The following PDE1C variants were observed in gnomAD, a reference collection of about 807,000 sequenced individuals.
The protein encoded by PDE1C is dual specificity calcium/calmodulin-dependent 3',5'-cyclic nucleotide phosphodiesterase 1C.
In PDE1C, 62 loss-of-function variants were observed where a neutral mutation model predicts 93.1. That is an observed-to-expected ratio of 0.67 (90% CI 0.54 to 0.82). The LOEUF (loss-of-function observed/expected upper bound fraction) is 0.82. Ranked by LOEUF, PDE1C falls within the 40% of genes least tolerant of loss-of-function variation. The probability of loss-of-function intolerance (pLI) is 0.00; values close to 1 mark genes in which losing one functional copy is unlikely to be tolerated. For missense variants in PDE1C, 742 were observed against 884.6 expected (o/e 0.84, Z 2.04); for synonymous variants, 325 against 310.1 (o/e 1.05, Z -0.50).
intron 2 of PDE1C, among the ~76,000 whole-genome samples, chr7:32,208,936 A>G (rs992098792): frequency 6.6e-6 from 1 of 152,198 alleles, no homozygotes; most frequent in Non-Finnish European, 1.5e-5. Flanking sequence ...TCTAAGCTTC[A>G]AAGTGTCACC....
intron 2 of PDE1C, among the ~76,000 whole-genome samples, chr7:31,899,272 G>A (rs990512370): frequency 6.6e-6 from 1 of 151,786 alleles, no homozygotes; most frequent in Non-Finnish European, 1.5e-5. Context: ...CCGAGTAGCT[G>A]GGACTACAGG....
intron 17 of PDE1C, among the ~76,000 whole-genome samples, chr7:31,768,880 C>T (rs1402137350): frequency 6.6e-6 from 1 of 152,122 alleles, no homozygotes; most frequent in East Asian, 1.9e-4. Context: ...ACTCCAACCT[C>T]CGCCTCCCAG....
chr7:31,738,711 A>C, the PDE1C span, among the ~76,000 whole-genome samples: 2 of 152,184 alleles, frequency 1.3e-5, no homozygotes, highest in Admixed American at 1.3e-4. Context: ...GATGGTGGCC[A>C]GCTGGTGAGG....
intron 17 of PDE1C, among the ~76,000 whole-genome samples, chr7:31,764,238 A>G (rs1036127643): frequency 6.6e-6 from 1 of 152,228 alleles, no homozygotes; most frequent in Middle Eastern, 3.4e-3. Flanking sequence ...GCAACCTCTC[A>G]GGTTTAAGTG....
chr7:31,851,326 G>C (rs1313444579), intron 7 of PDE1C, among the ~76,000 whole-genome samples: 1 of 152,196 alleles, frequency 6.6e-6, no homozygotes, highest in African/African-American at 2.4e-5. Context: ...TGGACATGCA[G>C]ATGGTGTCAG....
At chr7:32,181,310 T>C (rs934095296) in intron 2 of PDE1C, among the ~76,000 whole-genome samples, 2 of 152,198 alleles carry the variant, frequency 1.3e-5, no homozygotes, top group South Asian at 4.1e-4. Flanking sequence ...AATAGACATC[T>C]ACAGAACTCT....
chr7:32,292,183 AT>A (rs1283062012), intron 1 of PDE1C, among the ~76,000 whole-genome samples: 6 of 152,150 alleles, frequency 3.9e-5, no homozygotes, highest in Admixed American at 6.5e-5. Context: ...CCATAAAAAA[AT>A]AATTTTTAAA....
chr7:32,069,608 C>T (rs149535202), intron 1 of PDE1C, among the ~76,000 whole-genome samples: 392 of 152,130 alleles, frequency 2.6e-3, no homozygotes, highest in Middle Eastern at 0.01. Flanking sequence ...CTCCTCAGTA[C>T]CCAAAAACAG....
At chr7:32,094,985 G>C (rs900452659) in intron 3 of PDE1C, among the ~76,000 whole-genome samples, 2 of 152,068 alleles carry the variant, frequency 1.3e-5, no homozygotes, top group African/African-American at 4.8e-5. Flanking sequence ...ACTCCTCCTT[G>C]TGCCCTCTCC....
At chr7:32,062,376 T>C (rs1794914769) in intron 1 of PDE1C, among the ~76,000 whole-genome samples, 1 of 152,194 alleles carries the variant, frequency 6.6e-6, no homozygotes, top group Non-Finnish European at 1.5e-5. Context: ...TCCAGCTGTG[T>C]CTGGAGCCTT....
chr7:31,678,017 GC>G, the PDE1C span, among the ~76,000 whole-genome samples: 2 of 151,856 alleles, frequency 1.3e-5, no homozygotes, highest in Non-Finnish European at 2.9e-5. Flanking sequence ...ACAATAAAAG[GC>G]CCCACCTATA....
At chr7:31,889,239 A>G (rs1190989868) in intron 2 of PDE1C, among the ~76,000 whole-genome samples, 1 of 152,270 alleles carries the variant, frequency 6.6e-6, no homozygotes, top group Non-Finnish European at 1.5e-5. Context: ...AAGACTTATT[A>G]TAAAGCATTT....
intron 3 of PDE1C, among the ~76,000 whole-genome samples, chr7:32,166,479 C>T (rs1234033233): frequency 6.6e-6 from 1 of 152,168 alleles, no homozygotes; most frequent in African/African-American, 2.4e-5. Context: ...CTCTGCTAAA[C>T]TGTCTGCTCC....
the PDE1C span, among the ~76,000 whole-genome samples, chr7:31,636,725 TAAA>T: frequency 9.0e-6 from 1 of 111,504 alleles, no homozygotes; most frequent in Admixed American, 9.1e-5. Flanking sequence ...CTTTTTTTTT[TAAA>T]AATTTTATTA....
chr7:32,184,899 G>A (rs561206814), intron 2 of PDE1C, among the ~76,000 whole-genome samples: 5 of 152,082 alleles, frequency 3.3e-5, no homozygotes, highest in Non-Finnish European at 5.9e-5. Flanking sequence ...ATCACCTGAG[G>A]TCAGGAGTTC....
At chr7:31,745,752 T>C in the PDE1C span, among the ~76,000 whole-genome samples, 1 of 152,224 alleles carries the variant, frequency 6.6e-6, no homozygotes, top group South Asian at 2.1e-4. Context: ...AAAATAGTAA[T>C]AAGTAATAGA....
intron 2 of PDE1C, among the ~76,000 whole-genome samples, chr7:32,176,872 T>C (rs1363861852): frequency 6.6e-6 from 1 of 152,052 alleles, no homozygotes; most frequent in Non-Finnish European, 1.5e-5. Context: ...AGACAGAAAA[T>C]ACAAACAGAC....
intron 1 of PDE1C, among the ~76,000 whole-genome samples, chr7:32,424,851 ATAAAC>A (rs770707406): frequency 6.6e-6 from 1 of 152,118 alleles, no homozygotes; most frequent in Non-Finnish European, 1.5e-5. Flanking sequence ...AAATAAATAA[ATAAAC>A]TAAAGAGTTA....
chr7:31,976,996 CAG>C (rs1811753490), intron 2 of PDE1C, among the ~76,000 whole-genome samples: 1 of 152,200 alleles, frequency 6.6e-6, no homozygotes, highest in Non-Finnish European at 1.5e-5. Context: ...CCTACTGAAT[CAG>C]AGAGTCTGGG....
Sources: gnomAD v4.1 joint callset for allele counts (sites outside exome capture counted in the v4.1 genomes callset) on GRCh38, gnomAD v4.1.1 for gene constraint, MANE v1.5 for transcripts, NCBI Gene and HGNC (gene_info 2026-07-23, HGNC 2026-07-21) for gene names.